Variants in CWF19L2 observed in about 807,000 individuals in gnomAD.
The protein encoded by CWF19L2 is CWF19 like cell cycle control factor 2.
Under a neutral mutation model 111.7 loss-of-function variants are expected in CWF19L2, and 98 were observed. The ratio of observed to expected loss-of-function variants is 0.88; its 90% CI spans 0.75 to 1.04. CWF19L2 has a LOEUF of 1.04. Ranked by LOEUF, CWF19L2 falls within the 50% of genes least tolerant of loss-of-function variation. The probability of loss-of-function intolerance (pLI) is 0.00; values close to 1 mark genes in which losing one functional copy is unlikely to be tolerated. For missense variants in CWF19L2, 1,101 were observed against 1,051.4 expected (o/e 1.05, Z -0.65); for synonymous variants, 351 against 342.9 (o/e 1.02, Z -0.26).
intron 10 of CWF19L2, among the ~76,000 whole-genome samples, chr11:107,412,905 T>A (rs2135395029): frequency 6.6e-6 from 1 of 152,302 alleles, no homozygotes; most frequent in Non-Finnish European, 1.5e-5. Context: ...TGATTTCAAT[T>A]ACATGACATT....
At chr11:107,415,771 A>G (rs1861216351) in intron 10 of CWF19L2, among the ~76,000 whole-genome samples, 1 of 152,206 alleles carries the variant, frequency 6.6e-6, no homozygotes, top group South Asian at 2.1e-4. Context: ...ATAAACACAC[A>G]GACACATATA....
rs142229743 is a variant in CWF19L2 at position 107,455,353 on chromosome 11, A to C, written c.216+313T>G. The stretch of plus-strand genomic sequence containing the variant: ...AGGAAAACAGGCTTGAGACCTAAAA[A>C]AATAAAATAAAATAAATACATAAAG... On this transcript the variant is annotated intron_variant, in intron 2 of 17. Transcript: ENST00000282251. Among the ~76,000 whole-genome samples, 30 of 152,282 alleles carry C rather than the reference A, an allele frequency of 2.0e-4. No homozygotes were observed. In the East Asian group the frequency reaches 5.8e-3, roughly 29 times the overall value.
chr11:107,339,596 TTA>T (rs1362367248), intron 14 of CWF19L2, among the ~76,000 whole-genome samples: 1 of 152,152 alleles, frequency 6.6e-6, no homozygotes, highest in East Asian at 1.9e-4. Flanking sequence ...AATATCATTT[TTA>T]TATGCTTATT....
At chr11:107,329,845 T>G in intron 17 of CWF19L2, 73 bp downstream of exon 17, 1 of 1,231,008 alleles carries the variant, frequency 8.1e-7, no homozygotes, top group South Asian at 1.6e-5. Context: ...GTGCCCAAAG[T>G]TTTTATTTCC....
intron 2 of CWF19L2, among the ~76,000 whole-genome samples, chr11:107,454,902 A>G (rs1030827510): frequency 1.3e-5 from 2 of 152,114 alleles, no homozygotes; most frequent in Non-Finnish European, 2.9e-5. Context: ...TACACACACA[A>G]ACACACATAC....
chr11:107,433,330 A>G (rs1454753266), intron 7 of CWF19L2, among the ~76,000 whole-genome samples: 1 of 152,158 alleles, frequency 6.6e-6, no homozygotes, highest in African/African-American at 2.4e-5. Context: ...AAATTTCAAC[A>G]GTGGTTACCT....
At chr11:107,445,105 G>A (rs1454867726) in intron 3 of CWF19L2, among the ~76,000 whole-genome samples, 4 of 152,056 alleles carry the variant, frequency 2.6e-5, no homozygotes, top group African/African-American at 9.7e-5. Context: ...TCAGGGTAGG[G>A]GAAATGAAAA....
rs368046794 is a variant in CWF19L2, at chr11:107,362,730, G to C, written c.1873-8994C>G. Reference sequence around the variant, plus strand: ...AAACCACAAAGATGGGGAAAAAACAGAACAGAAAAACTGGAAACTCTAAAA... The same window carrying C: ...AAACCACAAAGATGGGGAAAAAACACAACAGAAAAACTGGAAACTCTAAAA... On this transcript the variant is annotated intron_variant, in intron 12 of 17. Coordinates refer to ENST00000282251, the MANE Select transcript of CWF19L2 (RefSeq NM_152434.3). Among the ~76,000 whole-genome samples the C allele has an allele frequency of 3.9e-3, 591 of 151,326 alleles. 24 individuals are homozygous for C. The East Asian group carries it at 0.09, about 23-fold the overall frequency.
intron 14 of CWF19L2, among the ~76,000 whole-genome samples, chr11:107,343,752 A>C (rs1417313769): frequency 6.6e-6 from 1 of 152,094 alleles, no homozygotes; most frequent in African/African-American, 2.4e-5. Flanking sequence ...AGTGATTCTA[A>C]GAGTTGCTTT....
rs772659488 is a variant in CWF19L2, at chr11:107,336,763, A to G, written c.2203-50T>C. 4 of 979,876 alleles carry G rather than the reference A, an allele frequency of 4.1e-6. No homozygotes were observed. The South Asian group carries it at 6.9e-5, about 17-fold the overall frequency. 60.7% of individuals were successfully genotyped at this position (979,876 alleles called of 1,614,324 possible). On this transcript the variant is annotated intron_variant, in intron 14 of 17. Transcript: ENST00000282251. ...AAGAAAACACTTAAAGGAGATTCAA[A>G]ATCAAGCATATTCAAGATATTTGAA...
chr11:107,359,161 A>G (rs147834600), intron 12 of CWF19L2, among the ~76,000 whole-genome samples: 1 of 152,258 alleles, frequency 6.6e-6, no homozygotes, highest in East Asian at 1.9e-4. Context: ...GTCTGCCAAC[A>G]ACAGAGACCA....
rs367932290 is a variant in CWF19L2 at position 107,443,066 on chromosome 11, T to C, written c.340-17A>G. 7.4e-6 allele frequency: 11 copies of C among 1,479,828 alleles called. No individual in the cohort carries two copies. The highest frequency in any genetic ancestry group is 1.0e-5 in the Non-Finnish European group (11 of 1,081,580). The allele number at this position is 1,479,828 out of a possible 1,614,324, so 91.7% of individuals were successfully genotyped here. A position where few individuals can be genotyped will look rare whatever the true frequency, so the allele number is the denominator to read the frequency against. ...TTCAGAGCTCTAAGAACATTTAGCA[T>C]ATAAGTGAAATTGTCAAATTTGCAT... On this transcript the variant is annotated splice_polypyrimidine_tract_variant and intron_variant, in intron 3 of 17. Transcript: ENST00000282251.
Position 107,388,539 on chromosome 11 carries a change from T to C in CWF19L2, c.1872+1535A>G, listed in dbSNP as rs1295100279. 3.9e-5 allele frequency among the ~76,000 whole-genome samples: 6 copies of C among 152,208 alleles called. No individual in the cohort carries two copies. The East Asian group carries it at 1.2e-3, about 29-fold the overall frequency. On this transcript the variant is annotated intron_variant, in intron 12 of 17. Coordinates refer to ENST00000282251, the MANE Select transcript of CWF19L2 (RefSeq NM_152434.3). ...ATGGGACTACAAGTGCGTGCCACCA[T>C]GCCTGGCTAATTTTGTATTTTTAGT...
chr11:107,353,443 A>G (rs1860186197), intron 13 of CWF19L2, 81 bp downstream of exon 13: 15 of 1,065,976 alleles, frequency 1.4e-5, no homozygotes, highest in Non-Finnish European at 1.9e-5. Flanking sequence ...AGACAAAATA[A>G]TAAACTTATT....
In CWF19L2 at chr11:107,392,817, A is replaced by AT. The variant is rs1162353105; in HGVS notation, c.1695dup (p.Ser566IlefsTer18). The AT allele has an allele frequency of 2.5e-6, 4 of 1,595,532 alleles. No homozygotes were observed. Among genetic ancestry groups the AT allele is most frequent in the Admixed American group, 3.6e-5 (2 of 55,730 alleles). The stretch of plus-strand genomic sequence containing the variant: ...CTTCTTCCTCCTTGTGATTCCAGAG[A>AT]TTTTCCGGGTGTGTTCACAGGCCAT... On this transcript the variant is annotated frameshift_variant, in exon 11 of 18. Coordinates refer to ENST00000282251, the MANE Select transcript of CWF19L2 (RefSeq NM_152434.3). LOFTEE classifies it high-confidence loss of function.
chr11:107,333,053 G>A (rs1591146316), intron 16 of CWF19L2, among the ~76,000 whole-genome samples: 1 of 150,866 alleles, frequency 6.6e-6, no homozygotes, highest in Non-Finnish European at 1.5e-5. Flanking sequence ...GGGAGGTGGA[G>A]TGATCGTCAC....
chr11:107,406,097 T>A (rs537322), intron 10 of CWF19L2, among the ~76,000 whole-genome samples: 106,668 of 152,054 alleles, frequency 0.7, 37,855 homozygotes, highest in Non-Finnish European at 0.77. Context: ...GCACTACTTG[T>A]ATGTAATACG....
intron 10 of CWF19L2, among the ~76,000 whole-genome samples, chr11:107,409,012 G>C (rs1478040117): frequency 6.6e-6 from 1 of 151,766 alleles, no homozygotes; most frequent in African/African-American, 2.4e-5. Context: ...TAAACCACAA[G>C]CAAGTTTTTT....
intron 3 of CWF19L2, among the ~76,000 whole-genome samples, chr11:107,451,841 C>T (rs1041459720): frequency 6.6e-6 from 1 of 152,146 alleles, no homozygotes; most frequent in South Asian, 2.1e-4. Flanking sequence ...CAAATTTTAA[C>T]ACTTATAGAT....
Sources: gnomAD v4.1 joint callset for allele counts (sites outside exome capture counted in the v4.1 genomes callset) on GRCh38, gnomAD v4.1.1 for gene constraint, MANE v1.5 for transcripts, NCBI Gene and HGNC (gene_info 2026-07-23, HGNC 2026-07-21) for gene names.